Variants in GRIA1 observed in about 807,000 individuals in gnomAD.
GRIA1 encodes the protein glutamate receptor 1.
GRIA1 carries 31 observed loss-of-function variants against 99.2 expected under a neutral mutation model. The observed-to-expected ratio is 0.31, with a 90% CI of 0.23 to 0.42. The LOEUF (loss-of-function observed/expected upper bound fraction) is 0.42. Among genes scored for constraint, GRIA1 ranks in the 10% least tolerant of loss-of-function variants. The probability of loss-of-function intolerance (pLI) is 1.00; values close to 1 mark genes in which losing one functional copy is unlikely to be tolerated. For synonymous variants in GRIA1, 438 were observed against 432.4 expected (o/e 1.01, Z -0.16); for missense variants, 782 against 1,157.5 (o/e 0.68, Z 4.71).
chr5:153,663,830 C>T (rs879529411), intron 5 of GRIA1, among the ~76,000 whole-genome samples: 1 of 152,216 alleles, frequency 6.6e-6, no homozygotes, highest in Non-Finnish European at 1.5e-5. Flanking sequence ...CACACTGGCT[C>T]CCTTAAGCTT....
chr5:153,614,272 A>G (rs1766269094), intron 2 of GRIA1, among the ~76,000 whole-genome samples: 1 of 152,214 alleles, frequency 6.6e-6, no homozygotes. Context: ...CCCTATAAGG[A>G]CAAAGACCAT....
chr5:153,532,068 G>A (rs560342022), intron 2 of GRIA1, among the ~76,000 whole-genome samples: 7 of 152,268 alleles, frequency 4.6e-5, no homozygotes, highest in South Asian at 2.1e-4. Context: ...CTTTATTGCA[G>A]GGTGTAGGGG....
chr5:153,572,391 G>A (rs570749288), intron 2 of GRIA1, among the ~76,000 whole-genome samples: 2 of 152,298 alleles, frequency 1.3e-5, no homozygotes, highest in East Asian at 1.9e-4. Context: ...TGGCAAGCGG[G>A]AGGCACATTT....
chr5:153,527,824 A>T (rs1262632361), intron 2 of GRIA1, among the ~76,000 whole-genome samples: 1 of 152,196 alleles, frequency 6.6e-6, no homozygotes, highest in African/African-American at 2.4e-5. Context: ...GAAATGGAAC[A>T]TTTCTTGAGA....
At chr5:153,517,002 G>A (rs1756685677) in intron 2 of GRIA1, among the ~76,000 whole-genome samples, 1 of 152,124 alleles carries the variant, frequency 6.6e-6, no homozygotes, top group Non-Finnish European at 1.5e-5. Flanking sequence ...AGTGACAAAT[G>A]ACGAAATATT....
intron 4 of GRIA1, among the ~76,000 whole-genome samples, chr5:153,654,323 C>T (rs1326266859): frequency 6.6e-6 from 1 of 152,122 alleles, no homozygotes; most frequent in Non-Finnish European, 1.5e-5. Flanking sequence ...CATCAGTTAT[C>T]AGCTGTTTCC....
intron 2 of GRIA1, among the ~76,000 whole-genome samples, chr5:153,616,581 G>A (rs529421815): frequency 1.3e-5 from 2 of 152,336 alleles, no homozygotes; most frequent in Non-Finnish European, 2.9e-5. Context: ...CAGGCCACAG[G>A]TTGGACAAGC....
At chr5:153,684,401 T>G (rs984950407) in intron 7 of GRIA1, among the ~76,000 whole-genome samples, 1 of 152,228 alleles carries the variant, frequency 6.6e-6, no homozygotes, top group Non-Finnish European at 1.5e-5. Flanking sequence ...TAGTTAACTC[T>G]AATTGGTTCC....
At chr5:153,602,095 G>A (rs1428501196) in intron 2 of GRIA1, among the ~76,000 whole-genome samples, 1 of 151,982 alleles carries the variant, frequency 6.6e-6, no homozygotes, top group Admixed American at 6.6e-5. Context: ...GTTTATTGCA[G>A]CACTATTCAC....
intron 13 of GRIA1, among the ~76,000 whole-genome samples, chr5:153,778,188 AGAGAGT>A (rs1471528516): frequency 5.7e-4 from 49 of 86,284 alleles, no homozygotes; most frequent in African/African-American, 2.2e-3. Flanking sequence ...AGAGAGAGAG[AGAGAGT>A]GTGTGTGTGT....
intron 2 of GRIA1, among the ~76,000 whole-genome samples, chr5:153,535,278 G>A (rs182139839): frequency 4.2e-4 from 64 of 152,280 alleles, no homozygotes; most frequent in Middle Eastern, 3.4e-3. Flanking sequence ...AGATGTGAAC[G>A]TGCCATGTAA....
At chr5:153,756,071 C>G (rs1426538393) in intron 11 of GRIA1, among the ~76,000 whole-genome samples, 1 of 152,230 alleles carries the variant, frequency 6.6e-6, no homozygotes, top group African/African-American at 2.4e-5. Flanking sequence ...GCCAGTGGAT[C>G]TGAAAGTTAT....
intron 2 of GRIA1, among the ~76,000 whole-genome samples, chr5:153,534,042 T>C (rs1341471014): frequency 6.6e-6 from 1 of 152,208 alleles, no homozygotes; most frequent in Non-Finnish European, 1.5e-5. Flanking sequence ...CGGCACTTGA[T>C]TTGTGGCAAG....
At position 153,602,192 on chromosome 5, in the gene GRIA1, A is replaced by C. The variant is rs978243037; in HGVS notation, c.221-44736A>C. On this transcript the variant is annotated intron_variant, in intron 2 of 15. Coordinates refer to ENST00000285900, the MANE Select transcript of GRIA1 (RefSeq NM_000827.4). ...TGGCACATATACACCATGGAATACT[A>C]TGCAGCCTTAAAAAATGATGAGTTC... 9.2e-5 allele frequency among the ~76,000 whole-genome samples: 14 copies of C among 152,322 alleles called. No individual in the cohort carries two copies. In the East Asian group the frequency reaches 2.7e-3, roughly 29 times the overall value.
chr5:153,650,249 G>A, intron 3 of GRIA1, 81 bp from the exon 4 acceptor site: 2 of 1,231,434 alleles, frequency 1.6e-6, no homozygotes, highest in Non-Finnish European at 2.3e-6. Flanking sequence ...GTAGCCAGGG[G>A]AGGTAGGTGC....
chr5:153,646,313 C>T (rs546465825), intron 2 of GRIA1, among the ~76,000 whole-genome samples: 24 of 152,236 alleles, frequency 1.6e-4, no homozygotes, highest in African/African-American at 4.3e-4. Flanking sequence ...CTGGGAAAAT[C>T]GACACTTGTT....
intron 15 of GRIA1, among the ~76,000 whole-genome samples, chr5:153,803,613 T>G (rs576204599): frequency 6.6e-5 from 10 of 152,232 alleles, no homozygotes; most frequent in African/African-American, 2.4e-4. Context: ...GGGATCTAGA[T>G]AGAGAAGGGG....
chr5:153,504,317 A>C (rs2113263189), intron 2 of GRIA1, among the ~76,000 whole-genome samples: 1 of 150,640 alleles, frequency 6.6e-6, no homozygotes, highest in Middle Eastern at 3.5e-3. Context: ...GAGGCAAAAT[A>C]GATATATATA....
intron 2 of GRIA1, among the ~76,000 whole-genome samples, chr5:153,540,082 C>T (rs1309635547): frequency 6.6e-6 from 1 of 152,206 alleles, no homozygotes; most frequent in Non-Finnish European, 1.5e-5. Context: ...GGCCAAATGA[C>T]AGCTGTGGTC....
Sources: gnomAD v4.1 joint callset for allele counts (sites outside exome capture counted in the v4.1 genomes callset) on GRCh38, gnomAD v4.1.1 for gene constraint, MANE v1.5 for transcripts, NCBI Gene and HGNC (gene_info 2026-07-23, HGNC 2026-07-21) for gene names.